COG5: variants seen among roughly 807,000 people sequenced by gnomAD.
The protein encoded by COG5 is conserved oligomeric Golgi complex subunit 5.
In COG5, 86 loss-of-function variants were observed where a neutral mutation model predicts 110.4. That is an observed-to-expected ratio of 0.78 (90% confidence interval 0.65 to 0.93). The LOEUF is 0.93. COG5 is among the 40% of genes least tolerant of loss of function. The pLI is 0.00. For synonymous variants in COG5, 360 were observed against 334.6 expected (o/e 1.08, Z -0.83); for missense variants, 1,077 against 987.0 (o/e 1.09, Z -1.22).
chr7:107,378,277 G>A (rs1213000132), intron 7 of COG5, among the ~76,000 whole-genome samples: 1 of 152,096 alleles, frequency 6.6e-6, no homozygotes, highest in African/African-American at 2.4e-5. Context: ...GTCACCAACA[G>A]CAAAGACCAA....
chr7:107,330,605 T>C (rs12535258), intron 10 of COG5, among the ~76,000 whole-genome samples: 26,486 of 152,110 alleles, frequency 0.17, 2,580 homozygotes, highest in Non-Finnish European at 0.22. Flanking sequence ...AAGGTCCAAA[T>C]TTTCATGCTA....
At chr7:107,321,074 T>C (rs1171361440) in intron 11 of COG5, among the ~76,000 whole-genome samples, 1 of 152,192 alleles carries the variant, frequency 6.6e-6, no homozygotes, top group Non-Finnish European at 1.5e-5. Flanking sequence ...GAGACTTTCA[T>C]ATTTGTAAGA....
intron 6 of COG5, among the ~76,000 whole-genome samples, chr7:107,449,684 A>G (rs1795218794): frequency 6.6e-6 from 1 of 152,204 alleles, no homozygotes; most frequent in Non-Finnish European, 1.5e-5. Flanking sequence ...TTACAAGAAA[A>G]AGCTGAATTG....
intron 6 of COG5, among the ~76,000 whole-genome samples, chr7:107,498,178 TC>T (rs1377467433): frequency 6.6e-6 from 1 of 152,122 alleles, no homozygotes; most frequent in Non-Finnish European, 1.5e-5. Context: ...ACTGTAAAAC[TC>T]CTAGAACGAC....
chr7:107,420,682 C>T (rs1793223602), intron 6 of COG5, among the ~76,000 whole-genome samples: 1 of 152,134 alleles, frequency 6.6e-6, no homozygotes, highest in African/African-American at 2.4e-5. Context: ...AGGATGGTCT[C>T]GATCTCCTGA....
At chr7:107,485,833 G>A (rs969399824) in intron 6 of COG5, among the ~76,000 whole-genome samples, 1 of 152,040 alleles carries the variant, frequency 6.6e-6, no homozygotes, top group Admixed American at 6.6e-5. Flanking sequence ...AATATCATAA[G>A]AATATAAGTA....
chr7:107,405,182 A>G (rs1303441021), intron 7 of COG5, among the ~76,000 whole-genome samples: 4 of 152,188 alleles, frequency 2.6e-5, no homozygotes, highest in African/African-American at 9.6e-5. Context: ...TAACCTTTCC[A>G]TCTCTTTGTT....
chr7:107,256,966 T>C (rs957620647), intron 15 of COG5, among the ~76,000 whole-genome samples, 172 bp from the exon 16 acceptor site: 3 of 152,168 alleles, frequency 2.0e-5, no homozygotes, highest in African/African-American at 7.2e-5. Flanking sequence ...TTAAGATAGG[T>C]TGAAAAATAA....
intron 17 of COG5, among the ~76,000 whole-genome samples, chr7:107,242,238 C>T (rs566088665): frequency 2.6e-5 from 4 of 152,242 alleles, no homozygotes; most frequent in African/African-American, 7.2e-5. Flanking sequence ...ACAACCTGAC[C>T]GACAGAGAAT....
chr7:107,547,871 G>T lies in COG5; in HGVS notation c.417+240C>A, dbSNP rs796856522. 5 of 468,980 alleles carry T rather than the reference G, an allele frequency of 1.1e-5. No individual in the cohort carries two copies. The South Asian group carries it at 1.4e-4, about 13-fold the overall frequency. The allele number at this position is 468,980 out of a possible 1,614,324, so 29.1% of individuals were successfully genotyped here. The stretch of plus-strand genomic sequence containing the variant: ...TGAAAGCTATAAAACATTGATGAAA[G>T]AAATTGAAGAAGATATAAGTTAATA... On this transcript the variant is annotated intron_variant, in intron 5 of 21. Coordinates refer to ENST00000297135, the MANE Select transcript of COG5 (RefSeq NM_006348.5).
intron 11 of COG5, among the ~76,000 whole-genome samples, chr7:107,322,768 T>C (rs74387778): frequency 0.16 from 23,838 of 152,218 alleles, 2,326 homozygotes; most frequent in Non-Finnish European, 0.22. Context: ...AAAAGAGATA[T>C]ATGTATGTAA....
chr7:107,387,364 A>C (rs1304983628), intron 7 of COG5, among the ~76,000 whole-genome samples: 2 of 152,178 alleles, frequency 1.3e-5, no homozygotes, highest in African/African-American at 4.8e-5. Flanking sequence ...CCAGCAGCAG[A>C]AAAGCAGCAG....
intron 19 of COG5, among the ~76,000 whole-genome samples, chr7:107,222,185 G>A (rs1007102751): frequency 1.3e-5 from 2 of 151,896 alleles, no homozygotes; most frequent in African/African-American, 2.4e-5. Flanking sequence ...GGAATCTTCT[G>A]GGTAATCACC....
intron 6 of COG5, among the ~76,000 whole-genome samples, chr7:107,456,394 T>C (rs1795671315): frequency 6.6e-6 from 1 of 152,216 alleles, no homozygotes; most frequent in Admixed American, 6.5e-5. Flanking sequence ...TGGGGCAGAA[T>C]TTATGAAACT....
intron 5 of COG5, among the ~76,000 whole-genome samples, chr7:107,532,919 T>A (rs538848977): frequency 6.6e-6 from 1 of 152,328 alleles, no homozygotes; most frequent in African/African-American, 2.4e-5. Context: ...TACACACTAT[T>A]CTTTATAACT....
intron 14 of COG5, among the ~76,000 whole-genome samples, chr7:107,266,144 G>A (rs1803785011): frequency 6.6e-6 from 1 of 152,110 alleles, no homozygotes; most frequent in South Asian, 2.1e-4. Flanking sequence ...GGAATCCAGG[G>A]TTAGGGTATG....
chr7:107,316,816 G>C (rs1808806302), intron 11 of COG5, among the ~76,000 whole-genome samples: 1 of 151,960 alleles, frequency 6.6e-6, no homozygotes, highest in South Asian at 2.1e-4. Context: ...GGGGGACACA[G>C]TGAGACTCTG....
chr7:107,514,520 G>T (rs1353561060), intron 6 of COG5, among the ~76,000 whole-genome samples: 1 of 152,066 alleles, frequency 6.6e-6, no homozygotes, highest in African/African-American at 2.4e-5. Context: ...AGGACACTGG[G>T]AGACCTACCA....
At chr7:107,420,912 C>T (rs1010626102) in intron 6 of COG5, among the ~76,000 whole-genome samples, 1 of 152,184 alleles carries the variant, frequency 6.6e-6, no homozygotes, top group Non-Finnish European at 1.5e-5. Flanking sequence ...TCTTGTTCTT[C>T]AAAGCTTCAT....
Sources: gnomAD v4.1 joint callset for allele counts (sites outside exome capture counted in the v4.1 genomes callset) on GRCh38, gnomAD v4.1.1 for gene constraint, MANE v1.5 for transcripts, NCBI Gene and HGNC (gene_info 2026-07-23, HGNC 2026-07-21) for gene names.